CA10: variants seen among roughly 807,000 people sequenced by gnomAD.
CA10 encodes carbonic anhydrase 10 (inactive), also known as carbonic anhydrase-related protein 10.
In CA10, 14 loss-of-function variants were observed where a neutral mutation model predicts 44.2. The ratio of observed to expected loss-of-function variants is 0.32; its 90% confidence interval spans 0.21 to 0.50. The LOEUF is 0.50. CA10 is among the 20% of genes least tolerant of loss of function. The pLI, the probability that CA10 is intolerant of heterozygous loss-of-function variation, is 0.99. For missense variants in CA10, 350 were observed against 409.7 expected (o/e 0.85, Z 1.26); for synonymous variants, 159 against 141.6 (o/e 1.12, Z -0.87).
chr17:51,972,167 G>T (rs1206328455), intron 2 of CA10, among the ~76,000 whole-genome samples: 1 of 152,034 alleles, frequency 6.6e-6, no homozygotes, highest in Non-Finnish European at 1.5e-5. Flanking sequence ...AAAAGAACAA[G>T]ATTACAGAAG....
At chr17:51,646,694 A>G (rs1441883332) in intron 6 of CA10, among the ~76,000 whole-genome samples, 2 of 151,806 alleles carry the variant, frequency 1.3e-5, no homozygotes, top group Non-Finnish European at 2.9e-5. Context: ...AATGACTCCT[A>G]CTCCAGACTC....
chr17:52,126,752 T>A (rs1029248359), intron 1 of CA10, among the ~76,000 whole-genome samples: 2 of 152,206 alleles, frequency 1.3e-5, no homozygotes, highest in Non-Finnish European at 2.9e-5. Flanking sequence ...ATTAAATCAT[T>A]ACCCATGAAA....
intron 4 of CA10, among the ~76,000 whole-genome samples, chr17:51,729,586 C>T (rs983773425): frequency 1.3e-5 from 2 of 152,178 alleles, no homozygotes; most frequent in Admixed American, 1.3e-4. Flanking sequence ...GTTATCACTG[C>T]CAAGTTGACA....
At chr17:51,674,335 A>G (rs1914538591) in intron 4 of CA10, among the ~76,000 whole-genome samples, 1 of 152,236 alleles carries the variant, frequency 6.6e-6, no homozygotes, top group Admixed American at 6.5e-5. Context: ...CTTCTTACTT[A>G]GGAAAAAAAT....
Position 51,631,575 on chromosome 17 carries a change from C to T in CA10, c.*9G>A. ...TTCACTGAGGTGGGATTCTTCTTGG[C>T]TTTGTTCCCTACTTGAGGAGCCATT... On this transcript the variant is annotated 3_prime_UTR_variant, in exon 9 of 9. Coordinates refer to ENST00000451037, the MANE Select transcript of CA10 (RefSeq NM_020178.5). 6.2e-7 allele frequency: 1 copy of T among 1,612,166 alleles called. No homozygotes were observed. Among genetic ancestry groups the T allele is most frequent in the Non-Finnish European group, 8.5e-7 (1 of 1,178,492 alleles).
intron 4 of CA10, among the ~76,000 whole-genome samples, chr17:51,730,650 C>T (rs1916680373): frequency 1.3e-5 from 2 of 152,158 alleles, no homozygotes; most frequent in African/African-American, 4.8e-5. Flanking sequence ...AAAAATGCAT[C>T]TTCCATATTA....
intron 1 of CA10, chr17:52,134,838 C>T (rs1263411293): frequency 1.9e-6 from 1 of 518,758 alleles, no homozygotes; most frequent in Admixed American, 1.9e-5. Flanking sequence ...CCATCCTCCA[C>T]CCCATGCATG....
At chr17:51,726,046 C>T (rs1916509443) in intron 4 of CA10, among the ~76,000 whole-genome samples, 1 of 152,130 alleles carries the variant, frequency 6.6e-6, no homozygotes, top group Admixed American at 6.5e-5. Flanking sequence ...CTCAGGTGCA[C>T]ATTTAAACTG....
intron 3 of CA10, among the ~76,000 whole-genome samples, chr17:51,830,430 AAAAC>A (rs989079043): frequency 3.9e-4 from 59 of 152,270 alleles, no homozygotes; most frequent in Non-Finnish European, 6.8e-4. Flanking sequence ...ACTTAAAAAA[AAAAC>A]AAACAATTTC....
At position 51,714,450 on chromosome 17, in the gene CA10, T is replaced by G. The variant is rs181998678; in HGVS notation, c.465+33183A>C. 1.8e-4 allele frequency among the ~76,000 whole-genome samples: 27 copies of G among 152,348 alleles called. No individual in the cohort carries two copies. In the East Asian group the frequency reaches 4.8e-3, roughly 27 times the overall value. ...ATAAAAAGGGCCAAGTATTGTGACT[T>G]GCCCTAGAAAAATAATTTCCTTCCT... On this transcript the variant is annotated intron_variant, in intron 4 of 8. Transcript: ENST00000451037.
rs140086522 is a variant in CA10 at position 51,947,771 on chromosome 17, G to C, written c.137-16639C>G. On this transcript the variant is annotated intron_variant, in intron 2 of 8. Coordinates refer to ENST00000451037, the MANE Select transcript of CA10 (RefSeq NM_020178.5). ...ACAATCCTGAGATGATGCAGGAGGT[G>C]GCTGTGAGGATATTTATCAGTCTCT... Among the ~76,000 whole-genome samples, 97 of 152,140 alleles carry C rather than the reference G, an allele frequency of 6.4e-4. 1 individual carries two copies. Among genetic ancestry groups the C allele is most frequent in the Middle Eastern group, 6.8e-3 (2 of 294 alleles).
At chr17:52,093,973 G>C (rs998840108) in intron 1 of CA10, among the ~76,000 whole-genome samples, 1 of 152,162 alleles carries the variant, frequency 6.6e-6, no homozygotes, top group Non-Finnish European at 1.5e-5. Flanking sequence ...ACATCCTTAA[G>C]ATGAGTTCAT....
intron 4 of CA10, among the ~76,000 whole-genome samples, chr17:51,655,220 A>G (rs1389026211): frequency 6.6e-6 from 1 of 152,184 alleles, no homozygotes; most frequent in Non-Finnish European, 1.5e-5. Flanking sequence ...CACCCATAAC[A>G]TATTTAACCA....
intron 2 of CA10, among the ~76,000 whole-genome samples, chr17:52,024,998 G>A (rs1986255547): frequency 6.6e-6 from 1 of 151,876 alleles, no homozygotes; most frequent in Admixed American, 6.6e-5. Context: ...TGACATGACA[G>A]AATGCTAGAC....
At chr17:52,030,312 C>A (rs145228504) in intron 2 of CA10, among the ~76,000 whole-genome samples, 24 of 151,942 alleles carry the variant, frequency 1.6e-4, no homozygotes, top group African/African-American at 5.8e-4. Context: ...TCTCTCTTAA[C>A]GATGAGTTGC....
chr17:51,841,034 G>A (rs890184557), intron 3 of CA10, among the ~76,000 whole-genome samples: 7 of 151,862 alleles, frequency 4.6e-5, no homozygotes, highest in African/African-American at 9.7e-5. Flanking sequence ...AGATGGTAAC[G>A]GCCTTCAGTT....
chr17:51,821,072 C>T (rs1907772634), intron 3 of CA10, among the ~76,000 whole-genome samples: 1 of 111,576 alleles, frequency 9.0e-6, no homozygotes, highest in Non-Finnish European at 1.8e-5. Flanking sequence ...TCTCTCCCTT[C>T]CTTCCTCCCT....
At chr17:51,718,600 C>T (rs556220288) in intron 4 of CA10, among the ~76,000 whole-genome samples, 2 of 152,278 alleles carry the variant, frequency 1.3e-5, no homozygotes, top group East Asian at 3.9e-4. Context: ...TCTCTGATTT[C>T]TGTGAGCTGC....
chr17:51,816,386 G>C (rs1907565711), intron 3 of CA10, among the ~76,000 whole-genome samples: 1 of 152,202 alleles, frequency 6.6e-6, no homozygotes, highest in East Asian at 1.9e-4. Context: ...TGGGAGTCCA[G>C]ATATTTCTTC....
Sources: allele counts gnomAD v4.1 joint callset (sites outside exome capture counted in the v4.1 genomes callset), GRCh38; gene constraint gnomAD v4.1.1; transcripts MANE v1.5; gene names NCBI Gene and HGNC (gene_info 2026-07-23, HGNC 2026-07-21).